The following IRF5 variants were observed in gnomAD, a reference collection of about 807,000 sequenced individuals.
The protein encoded by IRF5 is interferon regulatory factor 5.
In IRF5, 24 loss-of-function variants were observed where a neutral mutation model predicts 55.1. The ratio of observed to expected loss-of-function variants is 0.44; its 90% confidence interval spans 0.32 to 0.61. The LOEUF (loss-of-function observed/expected upper bound fraction) is 0.61, where lower values mean the gene tolerates loss of function less well. Among genes scored for constraint, IRF5 ranks in the 20% least tolerant of loss-of-function variants. The pLI is 0.07. For synonymous variants in IRF5, 258 were observed against 260.2 expected, an observed-to-expected ratio of 0.99 and a Z score of 0.08; for missense variants, 499 against 658.5, an observed-to-expected ratio of 0.76 and a Z score of 2.65.
At chr7:128,937,175 C>T (rs547739434), upstream of IRF5, among the ~76,000 whole-genome samples, 41 of 152,310 alleles carry the variant, frequency 2.7e-4, 1 homozygote, top group African/African-American at 8.4e-4. Flanking sequence ...GGCAGACTTT[C>T]CAGAGAAGGC....
At position 128,947,297 on chromosome 7, in the gene IRF5, CACTCT is replaced by C. The variant is rs1563076614; in HGVS notation, c.550_554del (p.Thr184AlafsTer47). The C allele has an allele frequency of 1.9e-6, 3 of 1,608,496 alleles. No homozygotes were observed. Among genetic ancestry groups the C allele is most frequent in the Admixed American group, 1.7e-5 (1 of 59,626 alleles). On this transcript the variant is annotated frameshift_variant, in exon 6 of 9. Coordinates refer to ENST00000357234, the MANE Select transcript of IRF5 (RefSeq NM_001098629.3). LOFTEE classifies it high-confidence loss of function. This position sits in a 1 kb window ranked among gnomAD's most constrained non-coding sequence, Gnocchi z 6.5. ...TCAAAGAGGATGTCAAGTGGCCGCC[CACTCT>C]GCAGCCGCCCACTCTGCGGCCGCCT...
Position 128,946,344 on chromosome 7 carries a change from A to G in IRF5, c.386-157A>G, listed in dbSNP as rs1313727178. Among the ~76,000 whole-genome samples the G allele has an allele frequency of 6.6e-6, 1 of 152,048 alleles. No individual in the cohort carries two copies. Among genetic ancestry groups the G allele is most frequent in the Non-Finnish European group, 1.5e-5 (1 of 67,986 alleles). ...CCATGGAGTCGGGGAGGTCTTTCCC[A>G]ATCCTGGTGGCTGTGCCCTCCACCT... On this transcript the variant is annotated intron_variant, in intron 3 of 8. Coordinates refer to ENST00000357234, the MANE Select transcript of IRF5 (RefSeq NM_001098629.3). This position sits in a 1 kb window ranked among gnomAD's most constrained non-coding sequence, Gnocchi z 4.2.
chr7:128,946,168 C>A lies in IRF5; in HGVS notation c.385+134C>A. 1.2e-6 allele frequency: 1 copy of A among 864,184 alleles called. No individual in the cohort carries two copies. 53.5% of individuals were successfully genotyped at this position (864,184 alleles called of 1,614,324 possible). A position where few individuals can be genotyped will look rare whatever the true frequency, so the allele number is the denominator to read the frequency against. ...GGTCCAGGAAACGATGCGGGGGCTC[C>A]CGCTAGGTCATGACACCCAGGGCTT... On this transcript the variant is annotated intron_variant, in intron 3 of 8. Transcript: ENST00000357234. The surrounding 1 kb of genome is among the most constrained non-coding windows in gnomAD (Gnocchi z 4.2).
rs1796454502 is a variant in IRF5, at chr7:128,948,534, C to T, written c.1300-39C>T. The T allele has an allele frequency of 1.9e-6, 3 of 1,609,102 alleles. No individual in the cohort carries two copies. Among genetic ancestry groups the T allele is most frequent in the Non-Finnish European group, 2.5e-6 (3 of 1,178,706 alleles). On this transcript the variant is annotated intron_variant, in intron 8 of 8. Transcript: ENST00000357234. The surrounding 1 kb of genome is among the most constrained non-coding windows in gnomAD (Gnocchi z 4.6). ...TGCACAGCTGGATCTGGCAGCCCTG[C>T]CACAGGTCTCCCTGTCTCATCTCCT...
intron 2 of IRF5, among the ~76,000 whole-genome samples, chr7:128,943,543 T>A (rs1796144912): frequency 6.2e-3 from 1 of 162 alleles, no homozygotes; most frequent in Admixed American, 0.17. Context: ...CCCAGCTAAT[T>A]TTTTTTTTTT....
In IRF5 at chr7:128,947,629, G is replaced by A; in HGVS notation, c.787+94G>A. ...GAGGGTGCTGGACTCCCTTGGGTGG[G>A]AAAAGTGGGAGGGCGGATGGGGCTG... On this transcript the variant is annotated intron_variant, in intron 6 of 8. Coordinates refer to ENST00000357234, the MANE Select transcript of IRF5 (RefSeq NM_001098629.3). The surrounding 1 kb of genome is among the most constrained non-coding windows in gnomAD (Gnocchi z 6.5). 2 of 1,511,966 alleles carry A rather than the reference G, an allele frequency of 1.3e-6. No homozygotes were observed. Among genetic ancestry groups the A allele is most frequent in the Non-Finnish European group, 1.8e-6 (2 of 1,136,334 alleles). 93.7% of individuals were successfully genotyped at this position (1,511,966 alleles called of 1,614,324 possible).
Position 128,948,936 on chromosome 7 carries a change from G to A in IRF5, c.*118G>A. ...GCAGGGTCCTACCTCTGGGTTTCCT[G>A]GAAGTGGATTTGGGCCAAGAAGGAG... On this transcript the variant is annotated 3_prime_UTR_variant, in exon 9 of 9. Transcript: ENST00000357234. This position sits in a 1 kb window ranked among gnomAD's most constrained non-coding sequence, Gnocchi z 4.6. The A allele has an allele frequency of 1.5e-6, 2 of 1,306,588 alleles. No individual in the cohort carries two copies. The highest frequency in any genetic ancestry group is 2.1e-6 in the Non-Finnish European group (2 of 963,596). The allele number at this position is 1,306,588 out of a possible 1,614,324, so 80.9% of individuals were successfully genotyped here.
chr7:128,946,892 T>C lies in IRF5; in HGVS notation c.448-131T>C, dbSNP rs1349947287. 3.5e-6 allele frequency: 4 copies of C among 1,140,346 alleles called. No individual in the cohort carries two copies. The highest frequency in any genetic ancestry group is 5.2e-6 in the Non-Finnish European group (4 of 763,814). 70.6% of individuals were successfully genotyped at this position (1,140,346 alleles called of 1,614,324 possible). A position where few individuals can be genotyped will look rare whatever the true frequency, so the allele number is the denominator to read the frequency against. On this transcript the variant is annotated intron_variant, in intron 4 of 8. Transcript: ENST00000357234. This position sits in a 1 kb window ranked among gnomAD's most constrained non-coding sequence, Gnocchi z 4.2. ...CTGGGACCGGAGGCAGGGTCTTGCC[T>C]GAGCTAAACTGAGGCTAGGGGAGTT...
chr7:128,942,821 A>T (rs1796103075), intron 2 of IRF5, among the ~76,000 whole-genome samples: 1 of 152,140 alleles, frequency 6.6e-6, no homozygotes, highest in African/African-American at 2.4e-5. Flanking sequence ...GTATATATTT[A>T]TGGGGTACAC....
Position 128,947,435 on chromosome 7 carries a change from T to G in IRF5, c.687T>G (p.Leu229=), listed in dbSNP as rs1258749989. The part of the protein sequence containing the change: ...PPGNPAGFRE[L]LSEVLEPGPL... ...GCAACCCTGCTGGCTTCAGGGAGCTTCTCTCTGAGGTCCTGGAGCCTGGGC... is the reference window on the plus strand; with the variant it reads ...GCAACCCTGCTGGCTTCAGGGAGCTGCTCTCTGAGGTCCTGGAGCCTGGGC... The change falls in exon 6 of 9, where the codon CTT becomes CTG. Residue 229 remains leucine (L), a synonymous_variant. Transcript: ENST00000357234. This position sits in a 1 kb window ranked among gnomAD's most constrained non-coding sequence, Gnocchi z 6.5. 13 of 1,611,714 alleles carry G rather than the reference T, an allele frequency of 8.1e-6. No individual in the cohort carries two copies. The highest frequency in any genetic ancestry group is 1.1e-5 in the Non-Finnish European group (13 of 1,179,536).
In IRF5 at chr7:128,947,008, G is replaced by C; in HGVS notation, c.448-15G>C. ...CTCCCATCTCTTCCCTCCCTTGCTG[G>C]TGGTGTCCCTTCAGCTGCAGAGGAT... On this transcript the variant is annotated splice_polypyrimidine_tract_variant and intron_variant, in intron 4 of 8. Transcript: ENST00000357234. The surrounding 1 kb of genome is among the most constrained non-coding windows in gnomAD (Gnocchi z 6.5). The C allele has an allele frequency of 6.2e-7, 1 of 1,614,016 alleles. No homozygotes were observed.
At chr7:128,943,376 CTTT>C (rs200345101) in intron 2 of IRF5, among the ~76,000 whole-genome samples, 6 of 136,714 alleles carry the variant, frequency 4.4e-5, no homozygotes, top group Non-Finnish European at 3.2e-5. Flanking sequence ...CATATATACT[CTTT>C]TTTTTTTTTT....
intron 1 of IRF5, chr7:128,940,728 A>G (rs1370633450): frequency 1.3e-5 from 2 of 152,318 alleles, no homozygotes; most frequent in African/African-American, 4.8e-5. Flanking sequence ...GAGCGTTCTG[A>G]ACACCTCCCC....
chr7:128,946,958 A>G lies in IRF5; in HGVS notation c.448-65A>G. On this transcript the variant is annotated intron_variant, in intron 4 of 8. Coordinates refer to ENST00000357234, the MANE Select transcript of IRF5 (RefSeq NM_001098629.3). The surrounding 1 kb of genome is among the most constrained non-coding windows in gnomAD (Gnocchi z 4.2). ...CCTGTTATTTCCCCAGCCCCAGGTC[A>G]GTGGAATAACCTGTCCTCCTTTCTC... 1 of 1,585,264 alleles carries G rather than the reference A, an allele frequency of 6.3e-7. No homozygotes were observed. The highest frequency in any genetic ancestry group is 8.7e-7 in the Non-Finnish European group (1 of 1,154,686).
chr7:128,944,378 T>C (rs949882323), intron 2 of IRF5, among the ~76,000 whole-genome samples: 1 of 152,242 alleles, frequency 6.6e-6, no homozygotes, highest in Non-Finnish European at 1.5e-5. Context: ...AGTTGAAAAT[T>C]GCTGGGTCAA....
At position 128,946,611 on chromosome 7, in the gene IRF5, T is replaced by C; in HGVS notation, c.447+49T>C. 2 of 1,293,004 alleles carry C rather than the reference T, an allele frequency of 1.5e-6. No individual in the cohort carries two copies. The highest frequency in any genetic ancestry group is 2.2e-6 in the Non-Finnish European group (2 of 910,518). 80.1% of individuals were successfully genotyped at this position (1,293,004 alleles called of 1,614,324 possible). A position where few individuals can be genotyped will look rare whatever the true frequency, so the allele number is the denominator to read the frequency against. On this transcript the variant is annotated intron_variant, in intron 4 of 8. Transcript: ENST00000357234. The surrounding 1 kb of genome is among the most constrained non-coding windows in gnomAD (Gnocchi z 4.2). The stretch of plus-strand genomic sequence containing the variant: ...GTGGAGCCCTGGACGAGCTCTCTGC[T>C]GTCCCCATCGGCCTTAGGTTTCCGC...
At position 128,947,811 on chromosome 7, in the gene IRF5, C is replaced by T; in HGVS notation, c.870C>T (p.Leu290=). The T allele has an allele frequency of 6.2e-7, 1 of 1,613,776 alleles. No homozygotes were observed. Among genetic ancestry groups the T allele is most frequent in the Non-Finnish European group, 8.5e-7 (1 of 1,179,902 alleles). The change falls in exon 7 of 9, where the codon CTC becomes CTT. Residue 290 remains leucine, a synonymous_variant. Transcript: ENST00000357234. The surrounding 1 kb of genome is among the most constrained non-coding windows in gnomAD (Gnocchi z 6.5). The stretch of plus-strand genomic sequence containing the variant: ...TCAGCAACCCCCATGGCTGCCGGCT[C>T]TTCTACAGCCAGCTGGAGGCCACCC... ...LTISNPHGCR[L]FYSQLEATQE...
chr7:128,947,522 C>G lies in IRF5; in HGVS notation c.774C>G (p.Pro258=). The G allele has an allele frequency of 6.4e-7, 1 of 1,565,836 alleles. No homozygotes were observed. The highest frequency in any genetic ancestry group is 8.6e-7 in the Non-Finnish European group (1 of 1,162,298). Residue 258 remains proline, a synonymous_variant, in exon 6 of 9, where the codon CCC becomes CCG. Transcript: ENST00000357234. This position sits in a 1 kb window ranked among gnomAD's most constrained non-coding sequence, Gnocchi z 6.5. The part of the protein sequence containing the change: ...EQLLPDLLIS[P]HMLPLTDLEI... ...TCCTGCCAGACCTGCTGATCAGCCC[C>G]CACATGCTGCCTCGTAAGGACCCAT...
In IRF5 at chr7:128,941,942, G is replaced by C. The variant is rs1796045178; in HGVS notation, c.-11-129G>C. 2.8e-5 allele frequency: 17 copies of C among 615,664 alleles called. No homozygotes were observed. In the South Asian group the frequency reaches 4.2e-4, roughly 15 times the overall value. The allele number at this position is 615,664 out of a possible 1,614,324, so 38.1% of individuals were successfully genotyped here. A position where few individuals can be genotyped will look rare whatever the true frequency, so the allele number is the denominator to read the frequency against. ...GACAAGAAAGCTGATGCTTGGAAAA[G>C]AGAATTGGCCTTAAATACCTAGATG... On this transcript the variant is annotated intron_variant, in intron 1 of 8. Coordinates refer to ENST00000357234, the MANE Select transcript of IRF5 (RefSeq NM_001098629.3).
Sources: gnomAD v4.1 joint callset for allele counts (sites outside exome capture counted in the v4.1 genomes callset) on GRCh38, gnomAD v4.1.1 for gene constraint, Gnocchi (gnomAD v3.1) non-coding constraint, MANE v1.5 for transcripts, NCBI Gene and HGNC (gene_info 2026-07-23, HGNC 2026-07-21) for gene names.